Variants in ACVR1 observed in about 807,000 individuals in gnomAD.
The protein encoded by ACVR1 is activin A receptor type 1, also known as activin receptor type-1.
A neutral mutation model predicts 57.1 loss-of-function variants in ACVR1; 38 were observed. The observed-to-expected ratio is 0.67, with a 90% CI of 0.51 to 0.87. ACVR1 has a LOEUF of 0.87. Ranked by LOEUF, ACVR1 falls within the 40% of genes least tolerant of loss-of-function variation. The pLI, the probability that ACVR1 is intolerant of heterozygous loss-of-function variation, is 0.00. For synonymous variants in ACVR1, 212 were observed against 228.1 expected, an observed-to-expected ratio of 0.93 and a Z score of 0.63; for missense variants, 463 against 638.2, an observed-to-expected ratio of 0.73 and a Z score of 2.96.
intron 9 of ACVR1, among the ~76,000 whole-genome samples, 166 bp downstream of exon 9, chr2:157,760,714 C>T (rs1323800284): frequency 6.6e-6 from 1 of 152,156 alleles, no homozygotes; most frequent in African/African-American, 2.4e-5. Context: ...AACATAAAAG[C>T]CATTACACTC....
intron 1 of ACVR1, among the ~76,000 whole-genome samples, chr2:157,874,269 T>C (rs560526198): frequency 3.5e-4 from 53 of 152,348 alleles, no homozygotes; most frequent in Admixed American, 2.5e-3. Flanking sequence ...GAATTCCATT[T>C]TTTAAAATTC....
intron 1 of ACVR1, among the ~76,000 whole-genome samples, chr2:157,821,064 T>C (rs1431225486): frequency 2.6e-5 from 4 of 152,178 alleles, no homozygotes; most frequent in African/African-American, 7.2e-5. Context: ...ACTGGATACT[T>C]AACTCTTCAA....
At chr2:157,866,160 C>T (rs1010647856) in intron 1 of ACVR1, among the ~76,000 whole-genome samples, 1 of 151,982 alleles carries the variant, frequency 6.6e-6, no homozygotes, top group African/African-American at 2.4e-5. Context: ...GAACGAAAAA[C>T]AAAAACACCA....
At chr2:157,745,284 G>A (rs984770774) in intron 9 of ACVR1, among the ~76,000 whole-genome samples, 3 of 152,116 alleles carry the variant, frequency 2.0e-5, no homozygotes, top group Admixed American at 6.5e-5. Context: ...GACAGCCTTA[G>A]AGCTTGCATA....
chr2:157,793,614 C>A (rs1687001514), intron 3 of ACVR1, among the ~76,000 whole-genome samples: 1 of 152,172 alleles, frequency 6.6e-6, no homozygotes, highest in Non-Finnish European at 1.5e-5. Context: ...CTAAAAACAT[C>A]TTCCGTTTGA....
intron 9 of ACVR1, among the ~76,000 whole-genome samples, chr2:157,743,916 G>C (rs1289827966): frequency 6.6e-6 from 1 of 152,108 alleles, no homozygotes; most frequent in Admixed American, 6.5e-5. Context: ...TGGGAAGTTA[G>C]AGCCATGAGA....
chr2:157,747,939 A>T (rs1348505759), intron 9 of ACVR1, among the ~76,000 whole-genome samples: 1 of 152,238 alleles, frequency 6.6e-6, no homozygotes, highest in Non-Finnish European at 1.5e-5. Flanking sequence ...CTCAACCCAC[A>T]ACATTCTGGG....
intron 7 of ACVR1, 49 bp downstream of exon 7, chr2:157,770,319 A>G (rs1686023992): frequency 6.2e-7 from 1 of 1,605,186 alleles, no homozygotes; most frequent in Middle Eastern, 1.7e-4. Context: ...AAGGCAGACA[A>G]TTGTTTCTCC....
intron 2 of ACVR1, among the ~76,000 whole-genome samples, chr2:157,812,310 G>T (rs906121959): frequency 8.5e-5 from 13 of 152,104 alleles, no homozygotes; most frequent in African/African-American, 3.1e-4. Flanking sequence ...GAAACTGTAA[G>T]GGAAAGAAAG....
At position 157,736,485 on chromosome 2, in the gene ACVR1, T is replaced by C; in HGVS notation, c.*1046A>G. 1 of 204,152 alleles carries C rather than the reference T, an allele frequency of 4.9e-6. No individual in the cohort carries two copies. The highest frequency in any genetic ancestry group is 9.7e-6 in the Non-Finnish European group (1 of 102,970). The allele number at this position is 204,152 out of a possible 1,614,324, so 12.6% of individuals were successfully genotyped here. ...AGTTTATTTAATTTATACAAATAAC[T>C]ACTAAATACAAAAAGTAGATTAAAA... On this transcript the variant is annotated 3_prime_UTR_variant, in exon 11 of 11. Transcript: ENST00000434821.
chr2:157,756,857 A>G (rs916254548), intron 9 of ACVR1, among the ~76,000 whole-genome samples: 5 of 151,602 alleles, frequency 3.3e-5, no homozygotes, highest in Non-Finnish European at 5.9e-5. Context: ...ACACACATTT[A>G]TAGCAGCACA....
At chr2:157,800,827 C>T (rs1330478387) in intron 2 of ACVR1, among the ~76,000 whole-genome samples, 2 of 152,098 alleles carry the variant, frequency 1.3e-5, no homozygotes, top group Non-Finnish European at 2.9e-5. Context: ...TCCAACACAT[C>T]TCTGTACCTT....
intron 1 of ACVR1, among the ~76,000 whole-genome samples, chr2:157,820,637 A>G (rs1688131052): frequency 6.6e-6 from 1 of 151,042 alleles, no homozygotes; most frequent in South Asian, 2.1e-4. Context: ...CAGCCCCATC[A>G]TCTTCACTGC....
At chr2:157,761,805 T>C (rs1685667469) in intron 8 of ACVR1, among the ~76,000 whole-genome samples, 1 of 152,216 alleles carries the variant, frequency 6.6e-6, no homozygotes, top group Non-Finnish European at 1.5e-5. Context: ...GCTTTATTTG[T>C]GGATGATTTT....
At position 157,737,651 on chromosome 2, in the gene ACVR1, CAGAGAGGTT is replaced by C; in HGVS notation, c.1401_1409del (p.Thr468_Leu470del). ...ACCAGCATTCTTTCATTAGCTTGGC[CAGAGAGGTT>C]AATGTCTGAGGAGAGAAAGAACAAA... On this transcript the variant is annotated inframe_deletion, in exon 11 of 11. Coordinates refer to ENST00000434821, the MANE Select transcript of ACVR1 (RefSeq NM_001111067.4). 1 of 1,614,078 alleles carries C rather than the reference CAGAGAGGTT, an allele frequency of 6.2e-7. No individual in the cohort carries two copies. The highest frequency in any genetic ancestry group is 8.5e-7 in the Non-Finnish European group (1 of 1,179,984).
intron 1 of ACVR1, among the ~76,000 whole-genome samples, chr2:157,833,758 G>A (rs1170852305): frequency 2.6e-5 from 4 of 151,996 alleles, no homozygotes; most frequent in Non-Finnish European, 5.9e-5. Context: ...TTTTAGAATG[G>A]CTTATTTTCT....
intron 1 of ACVR1, among the ~76,000 whole-genome samples, chr2:157,849,172 G>T (rs947941550): frequency 1.5e-4 from 23 of 152,102 alleles, no homozygotes; most frequent in Non-Finnish European, 4.4e-5. Flanking sequence ...CTTGTTCAAT[G>T]GGTTGAATCC....
chr2:157,780,197 G>A, intron 4 of ACVR1, 140 bp downstream of exon 4: 1 of 1,237,532 alleles, frequency 8.1e-7, no homozygotes, highest in Non-Finnish European at 1.1e-6. Flanking sequence ...TTCACCCAGG[G>A]TGACCTTCCT....
At position 157,737,051 on chromosome 2, in the gene ACVR1, G is replaced by A. The variant is rs2105214758; in HGVS notation, c.*480C>T. On this transcript the variant is annotated 3_prime_UTR_variant, in exon 11 of 11. Coordinates refer to ENST00000434821, the MANE Select transcript of ACVR1 (RefSeq NM_001111067.4). ...GAGTACGCAGCCAACATTTTGGCAA[G>A]TTGGGTCTTTAAAATTAAGAGTAAC... The A allele has an allele frequency of 3.5e-6, 1 of 283,134 alleles. No homozygotes were observed. Among genetic ancestry groups the A allele is most frequent in the Non-Finnish European group, 6.6e-6 (1 of 151,452 alleles). 17.5% of individuals were successfully genotyped at this position (283,134 alleles called of 1,614,324 possible).
Sources: allele counts gnomAD v4.1 joint callset (sites outside exome capture counted in the v4.1 genomes callset), GRCh38; gene constraint gnomAD v4.1.1; transcripts MANE v1.5; gene names NCBI Gene and HGNC (gene_info 2026-07-23, HGNC 2026-07-21).